LRRC4C: variants seen among roughly 807,000 people sequenced by gnomAD.
LRRC4C encodes the protein leucine rich repeat containing 4C, also known as leucine-rich repeat-containing protein 4C.
In LRRC4C, 5 loss-of-function variants were observed where a neutral mutation model predicts 33.6. The ratio of observed to expected loss-of-function variants is 0.15; its 90% confidence interval spans 0.08 to 0.31. The LOEUF (loss-of-function observed/expected upper bound fraction) is 0.31, where lower values mean the gene tolerates loss of function less well. Among genes scored for constraint, LRRC4C ranks in the 10% least tolerant of loss-of-function variants. The pLI is 1.00. For synonymous variants in LRRC4C, 329 were observed against 302.0 expected (o/e 1.09, Z -0.93); for missense variants, 560 against 796.7 (o/e 0.70, Z 3.58).
chr11:40,839,211 C>G (rs1296552192), intron 2 of LRRC4C, among the ~76,000 whole-genome samples: 2 of 152,024 alleles, frequency 1.3e-5, no homozygotes, highest in East Asian at 3.9e-4. Flanking sequence ...TTGCTATAAG[C>G]ATTCATCACC....
intron 1 of LRRC4C, among the ~76,000 whole-genome samples, chr11:41,228,678 T>C (rs762847655): frequency 1.3e-5 from 2 of 152,168 alleles, no homozygotes; most frequent in Admixed American, 1.3e-4. Context: ...AACAAACTAG[T>C]GTATGATTCT....
chr11:40,882,065 C>T (rs912276040), intron 2 of LRRC4C, among the ~76,000 whole-genome samples: 1 of 152,004 alleles, frequency 6.6e-6, no homozygotes, highest in African/African-American at 2.4e-5. Context: ...AACCACTCAG[C>T]TGTGCCATCG....
intron 3 of LRRC4C, among the ~76,000 whole-genome samples, chr11:40,582,595 C>A (rs1262930394): frequency 6.7e-6 from 1 of 149,390 alleles, no homozygotes; most frequent in Non-Finnish European, 1.5e-5. Context: ...TGGCTCACTG[C>A]AACCTCTGCC....
chr11:40,851,732 A>G (rs1265621106), intron 2 of LRRC4C, among the ~76,000 whole-genome samples: 1 of 152,212 alleles, frequency 6.6e-6, no homozygotes, highest in African/African-American at 2.4e-5. Context: ...GTGAGCCGAC[A>G]TCACACCAGC....
chr11:40,714,521 A>T (rs1282179269), intron 2 of LRRC4C, among the ~76,000 whole-genome samples: 1 of 152,218 alleles, frequency 6.6e-6, no homozygotes, highest in East Asian at 1.9e-4. Flanking sequence ...AGTTACAAAG[A>T]AAAAGCTATT....
intron 3 of LRRC4C, among the ~76,000 whole-genome samples, chr11:40,499,009 C>G (rs545741777): frequency 6.6e-6 from 1 of 152,070 alleles, no homozygotes; most frequent in Non-Finnish European, 1.5e-5. Flanking sequence ...TTTCATTGTA[C>G]ATTAATTTTG....
chr11:40,804,827 C>A (rs1442628037), intron 2 of LRRC4C, among the ~76,000 whole-genome samples: 1 of 152,066 alleles, frequency 6.6e-6, no homozygotes. Flanking sequence ...AGAAACATTT[C>A]CATAAATAAT....
At chr11:40,919,391 G>A (rs1957085311) in intron 2 of LRRC4C, among the ~76,000 whole-genome samples, 2 of 152,048 alleles carry the variant, frequency 1.3e-5, no homozygotes, top group South Asian at 4.1e-4. Context: ...TAGAGTTATT[G>A]AAAGGATTAA....
intron 1 of LRRC4C, among the ~76,000 whole-genome samples, chr11:41,453,184 C>G (rs969739005): frequency 2.0e-5 from 3 of 152,116 alleles, no homozygotes; most frequent in Non-Finnish European, 4.4e-5. Context: ...AGAAGACTTT[C>G]ATTTCTTTAC....
chr11:41,038,926 T>C (rs1250632217), intron 1 of LRRC4C, among the ~76,000 whole-genome samples: 2 of 152,194 alleles, frequency 1.3e-5, no homozygotes, highest in East Asian at 3.9e-4. Context: ...GTACAGAAGC[T>C]TTAGTTTAAT....
intron 3 of LRRC4C, among the ~76,000 whole-genome samples, chr11:40,588,799 C>T (rs1022650736): frequency 7.2e-5 from 11 of 152,090 alleles, no homozygotes; most frequent in African/African-American, 2.2e-4. Flanking sequence ...GAGTGAGATT[C>T]GTAATTCTGA....
chr11:40,842,431 T>C (rs1369949509), intron 2 of LRRC4C, among the ~76,000 whole-genome samples: 1 of 152,204 alleles, frequency 6.6e-6, no homozygotes, highest in Non-Finnish European at 1.5e-5. Flanking sequence ...TGACAAATAA[T>C]AATTGCATAT....
intron 4 of LRRC4C, among the ~76,000 whole-genome samples, chr11:40,309,695 C>T (rs910265732): frequency 2.0e-5 from 3 of 151,968 alleles, no homozygotes; most frequent in Non-Finnish European, 2.9e-5. Flanking sequence ...TTTGTAGAGA[C>T]GGATTTTCAC....
At chr11:40,947,363 A>C (rs1159414984) in intron 1 of LRRC4C, among the ~76,000 whole-genome samples, 1 of 152,182 alleles carries the variant, frequency 6.6e-6, no homozygotes, top group Non-Finnish European at 1.5e-5. Flanking sequence ...CAGTAAAGTT[A>C]TGTAAAAATA....
chr11:41,418,541 C>CA (rs1490932600), intron 1 of LRRC4C, among the ~76,000 whole-genome samples: 1 of 151,766 alleles, frequency 6.6e-6, no homozygotes, highest in Non-Finnish European at 1.5e-5. Flanking sequence ...GCCCATGACA[C>CA]AAAAATGGAA....
At chr11:41,261,520 C>A (rs1160533908) in intron 1 of LRRC4C, among the ~76,000 whole-genome samples, 1 of 151,958 alleles carries the variant, frequency 6.6e-6, no homozygotes, top group Non-Finnish European at 1.5e-5. Flanking sequence ...CCCCATTTGG[C>A]TCACAGATAG....
intron 3 of LRRC4C, among the ~76,000 whole-genome samples, chr11:40,390,802 T>C (rs2137446183): frequency 6.6e-6 from 1 of 152,286 alleles, no homozygotes; most frequent in Non-Finnish European, 1.5e-5. Context: ...GAGACTGTTA[T>C]TGCCCATTTG....
At chr11:40,679,293 A>G (rs999797159) in intron 2 of LRRC4C, among the ~76,000 whole-genome samples, 1 of 152,154 alleles carries the variant, frequency 6.6e-6, no homozygotes, top group Non-Finnish European at 1.5e-5. Flanking sequence ...ACAGAACATT[A>G]AAGTTTGGAA....
intron 2 of LRRC4C, among the ~76,000 whole-genome samples, chr11:40,777,446 C>T (rs1950046342): frequency 6.7e-6 from 1 of 149,156 alleles, no homozygotes; most frequent in African/African-American, 2.5e-5. Flanking sequence ...AAGTCTTCTT[C>T]CTGAATTAAA....
Sources: gnomAD v4.1 joint callset for allele counts (sites outside exome capture counted in the v4.1 genomes callset) on GRCh38, gnomAD v4.1.1 for gene constraint, MANE v1.5 for transcripts, NCBI Gene and HGNC (gene_info 2026-07-23, HGNC 2026-07-21) for gene names.